The following RP9 variants were observed in gnomAD, a reference collection of about 807,000 sequenced individuals.
RP9 encodes RP9 pre-mRNA splicing factor, also known as retinitis pigmentosa 9 protein.
In RP9, 23 loss-of-function variants were observed where a neutral mutation model predicts 32.6. That is an observed-to-expected ratio of 0.71 (90% CI 0.51 to 1.00). The LOEUF is 1.00. Among genes scored for constraint, RP9 ranks in the 50% least tolerant of loss-of-function variants. RP9 has a pLI of 0.00. For synonymous variants in RP9, 94 were observed against 103.6 expected, an observed-to-expected ratio of 0.91 and a Z score of 0.56; for missense variants, 245 against 285.3, an observed-to-expected ratio of 0.86 and a Z score of 1.02.
At chr7:33,105,624 T>C (rs1788488038) in intron 1 of RP9, among the ~76,000 whole-genome samples, 1 of 152,184 alleles carries the variant, frequency 6.6e-6, no homozygotes, top group Non-Finnish European at 1.5e-5. Context: ...CTGACCTACC[T>C]TGTTTGATAG....
chr7:33,100,837 C>A, intron 1 of RP9: 1 of 591,384 alleles, frequency 1.7e-6, no homozygotes, highest in Non-Finnish European at 3.2e-6. Flanking sequence ...CGCAAGTCTC[C>A]AGATGGGACA....
At chr7:33,104,387 T>C (rs1448573229) in intron 1 of RP9, among the ~76,000 whole-genome samples, 1 of 151,912 alleles carries the variant, frequency 6.6e-6, no homozygotes, top group African/African-American at 2.4e-5. Context: ...TGAAATAATC[T>C]GTACAACAAA....
At chr7:33,101,756 T>C (rs1163270071) in intron 1 of RP9, among the ~76,000 whole-genome samples, 1 of 152,214 alleles carries the variant, frequency 6.6e-6, no homozygotes, top group African/African-American at 2.4e-5. Context: ...TTTGTAAGTG[T>C]GGTACAGTGT....
At chr7:33,099,603 C>T (rs1453160484) in intron 2 of RP9, among the ~76,000 whole-genome samples, 167 bp from the exon 3 acceptor site, 1 of 151,916 alleles carries the variant, frequency 6.6e-6, no homozygotes, top group Admixed American at 6.6e-5. Context: ...ATTGAAAAAA[C>T]AGGAAACAAA....
chr7:33,101,527 G>T (rs1788424643), intron 1 of RP9, among the ~76,000 whole-genome samples: 1 of 151,864 alleles, frequency 6.6e-6, no homozygotes, highest in Non-Finnish European at 1.5e-5. Context: ...GCTTGAACCT[G>T]GGAGGCAGAA....
At position 33,099,404 on chromosome 7, in the gene RP9, T is replaced by C. The variant is rs114747263; in HGVS notation, c.216A>G (p.Pro72=). 4.1e-4 allele frequency: 668 copies of C among 1,613,528 alleles called. 2 individuals are homozygous for C. In the African/African-American group the frequency reaches 8.3e-3, roughly 20 times the overall value. ...TGGCGTGTTCATTGCCTGGTACATC[T>C]GGTATGCAATCTTCTGGCTTAGTCT... ...EDETKPEDCI[P]DVPGNEHARE... Residue 72 remains proline, a synonymous_variant, in exon 3 of 6, where the codon CCA becomes CCG. Coordinates refer to ENST00000297157, the MANE Select transcript of RP9 (RefSeq NM_203288.2).
rs569008385 is a variant in RP9, at chr7:33,106,041, A to G, written c.152+3180T>C. Among the ~76,000 whole-genome samples, 11 of 152,378 alleles carry G rather than the reference A, an allele frequency of 7.2e-5. No homozygotes were observed. In the East Asian group the frequency reaches 2.1e-3, roughly 29 times the overall value. On this transcript the variant is annotated intron_variant, in intron 1 of 5. Coordinates refer to ENST00000297157, the MANE Select transcript of RP9 (RefSeq NM_203288.2). Reference sequence around the variant, plus strand: ...GGGGAAAAACAGCAGTAGAAAATTAAGTAAGTGAAAAACAAAGGCTCTTAT... The same window carrying G: ...GGGGAAAAACAGCAGTAGAAAATTAGGTAAGTGAAAAACAAAGGCTCTTAT...
intron 1 of RP9, among the ~76,000 whole-genome samples, chr7:33,106,915 G>C (rs2128034022): frequency 6.6e-6 from 1 of 151,708 alleles, no homozygotes; most frequent in South Asian, 2.1e-4. Flanking sequence ...CTGCACTCCA[G>C]CCTGGGTGAC....
At chr7:33,095,521 T>G in intron 5 of RP9, 89 bp from the exon 6 acceptor site, 1 of 1,570,542 alleles carries the variant, frequency 6.4e-7, no homozygotes, top group South Asian at 1.2e-5. Context: ...AAAAGCAGTA[T>G]AGGATGATGA....
At chr7:33,100,811 C>T (rs1026680083) in intron 1 of RP9, 1 of 646,810 alleles carries the variant, frequency 1.5e-6, no homozygotes, top group Admixed American at 2.2e-5. Flanking sequence ...CCAGAGGAGA[C>T]CCAGAATGCT....
At chr7:33,104,539 C>T (rs1788471782) in intron 1 of RP9, among the ~76,000 whole-genome samples, 1 of 151,828 alleles carries the variant, frequency 6.6e-6, no homozygotes, top group Admixed American at 6.6e-5. Context: ...AGAATAGTTT[C>T]TTAACGTTTA....
Position 33,109,401 on chromosome 7 carries a change from C to T in RP9, c.-29G>A. The T allele has an allele frequency of 8.9e-7, 1 of 1,124,574 alleles. No homozygotes were observed. The highest frequency in any genetic ancestry group is 1.1e-6 in the Non-Finnish European group (1 of 923,702). 69.7% of individuals were successfully genotyped at this position (1,124,574 alleles called of 1,614,324 possible). On this transcript the variant is annotated 5_prime_UTR_variant, in exon 1 of 6. Coordinates refer to ENST00000297157, the MANE Select transcript of RP9 (RefSeq NM_203288.2). The surrounding 1 kb of genome is among the most constrained non-coding windows in gnomAD (Gnocchi z 4.9). ...AGCCCCCGCAGCGCCGCTCGGGCAA[C>T]CCCCGCGGCGCGGCTCCGGCGGCGG...
At chr7:33,104,497 A>G (rs968757825) in intron 1 of RP9, among the ~76,000 whole-genome samples, 3 of 152,138 alleles carry the variant, frequency 2.0e-5, no homozygotes, top group Non-Finnish European at 2.9e-5. Flanking sequence ...AAAGACTAAC[A>G]TTATCATGAA....
At chr7:33,104,232 G>A (rs1788467869) in intron 1 of RP9, among the ~76,000 whole-genome samples, 1 of 152,108 alleles carries the variant, frequency 6.6e-6, no homozygotes, top group Admixed American at 6.5e-5. Context: ...TGTAGTTAAT[G>A]CATTCATGAC....
At chr7:33,099,111 A>C (rs1788386709) in intron 3 of RP9, 196 bp downstream of exon 3, 1 of 658,104 alleles carries the variant, frequency 1.5e-6, no homozygotes, top group Admixed American at 2.4e-5. Flanking sequence ...TTCCTGGCTT[A>C]AGATGACAGC....
intron 3 of RP9, 71 bp from the exon 4 acceptor site, chr7:33,097,433 T>C: frequency 9.1e-7 from 1 of 1,104,678 alleles, no homozygotes. Context: ...ATCAGCAGAA[T>C]ATATTCAAGT....
At chr7:33,097,389 G>A in intron 3 of RP9, 27 bp from the exon 4 acceptor site, 2 of 1,521,142 alleles carry the variant, frequency 1.3e-6, no homozygotes, top group Non-Finnish European at 1.8e-6. Context: ...AAATATTTCT[G>A]TAAGATAACA....
chr7:33,097,395 T>C (rs1433858785), intron 3 of RP9, 33 bp from the exon 4 acceptor site: 4 of 1,482,992 alleles, frequency 2.7e-6, no homozygotes, highest in Non-Finnish European at 2.8e-6. Context: ...TTCTGTAAGA[T>C]AACAGTTTCA....
chr7:33,107,245 A>G (rs1474187039), intron 1 of RP9, among the ~76,000 whole-genome samples: 1 of 152,238 alleles, frequency 6.6e-6, no homozygotes, highest in Non-Finnish European at 1.5e-5. Context: ...CCACCAGTCA[A>G]TCAGACACCT....
Sources: allele counts gnomAD v4.1 joint callset (sites outside exome capture counted in the v4.1 genomes callset), GRCh38; gene constraint gnomAD v4.1.1; non-coding constraint Gnocchi (gnomAD v3.1); transcripts MANE v1.5; gene names NCBI Gene and HGNC (gene_info 2026-07-23, HGNC 2026-07-21).